LRRC37A2: variants seen among roughly 807,000 people sequenced by gnomAD.
LRRC37A2 encodes the protein leucine rich repeat containing 37 member A2, also known as leucine-rich repeat-containing protein 37A2.
LRRC37A2 carries 9 observed loss-of-function variants against 68.8 expected under a neutral mutation model. The observed-to-expected ratio is 0.13, with a 90% CI of 0.08 to 0.23. LRRC37A2 has a LOEUF of 0.23. Ranked by LOEUF, LRRC37A2 falls within the 10% of genes least tolerant of loss-of-function variation. The probability of loss-of-function intolerance (pLI) is 1.00; values close to 1 mark genes in which losing one functional copy is unlikely to be tolerated. For synonymous variants in LRRC37A2, 63 were observed against 367.6 expected, an observed-to-expected ratio of 0.17 and a Z score of 9.48; for missense variants, 168 against 950.4, an observed-to-expected ratio of 0.18 and a Z score of 10.82.
the LRRC37A2 span, chr17:46,769,835 C>G: frequency 6.2e-7 from 1 of 1,613,342 alleles, no homozygotes; most frequent in South Asian, 1.1e-5. Context: ...CGCGTCCGGC[C>G]TGTTCTCGCG....
At chr17:46,605,887 C>T in the LRRC37A2 span, among the ~76,000 whole-genome samples, 2 of 38,886 alleles carry the variant, frequency 5.1e-5, no homozygotes, top group African/African-American at 3.4e-4. Context: ...TGGTGGCTCA[C>T]GCCTGTAATC....
chr17:47,031,523 A>AT, the LRRC37A2 span, among the ~76,000 whole-genome samples: 2 of 144,862 alleles, frequency 1.4e-5, no homozygotes, highest in African/African-American at 5.1e-5. Flanking sequence ...CTGATGGCTT[A>AT]TTTTTTAAAA....
the LRRC37A2 span, among the ~76,000 whole-genome samples, chr17:46,887,784 A>AGAAC: frequency 6.6e-6 from 1 of 151,758 alleles, no homozygotes; most frequent in African/African-American, 2.4e-5. Context: ...AAAGAAAGAA[A>AGAAC]GAAAGAAATC....
chr17:46,980,310 T>C, the LRRC37A2 span, among the ~76,000 whole-genome samples: 1 of 151,998 alleles, frequency 6.6e-6, no homozygotes, highest in Non-Finnish European at 1.5e-5. Flanking sequence ...TGAGTTTTTC[T>C]TTCCTTCTTC....
the LRRC37A2 span, chr17:46,749,723 CTAAT>C: frequency 6.7e-7 from 1 of 1,503,456 alleles, no homozygotes; most frequent in South Asian, 1.4e-5. Context: ...CTGTAGTTTC[CTAAT>C]TAGTCTTATT....
chr17:46,470,583 G>C, the LRRC37A2 span, among the ~76,000 whole-genome samples: 3 of 85,230 alleles, frequency 3.5e-5, 1 homozygote, highest in Admixed American at 3.6e-4. Context: ...GGAAGCCAAG[G>C]TGGGAGGATC....
the LRRC37A2 span, among the ~76,000 whole-genome samples, chr17:46,870,530 C>T: frequency 2.0e-5 from 3 of 152,230 alleles, no homozygotes; most frequent in Non-Finnish European, 4.4e-5. Flanking sequence ...GCTAGGCCAA[C>T]GGGAGCCCGA....
the LRRC37A2 span, among the ~76,000 whole-genome samples, chr17:46,831,246 G>C: frequency 6.6e-6 from 1 of 152,190 alleles, no homozygotes; most frequent in Non-Finnish European, 1.5e-5. Context: ...GTTGGCCAGA[G>C]ACCCTGTGGG....
the LRRC37A2 span, among the ~76,000 whole-genome samples, chr17:46,888,160 G>GGT: frequency 9.2e-5 from 14 of 152,276 alleles, no homozygotes; most frequent in Non-Finnish European, 1.8e-4. Context: ...AAGGGATACC[G>GGT]ACCTGGCCTA....
the LRRC37A2 span, among the ~76,000 whole-genome samples, chr17:46,832,402 AG>A: frequency 3.0e-3 from 244 of 80,482 alleles, 2 homozygotes; most frequent in African/African-American, 0.01. Context: ...GAAAAGAGAG[AG>A]GGGGGTGGTG....
At chr17:46,753,564 AATCTGTCAG>A in the LRRC37A2 span, among the ~76,000 whole-genome samples, 1 of 152,272 alleles carries the variant, frequency 6.6e-6, no homozygotes, top group African/African-American at 2.4e-5. Flanking sequence ...AAAAAAGATA[AATCTGTCAG>A]ATTGTCAGCT....
chr17:46,970,870 T>C, the LRRC37A2 span, among the ~76,000 whole-genome samples: 1 of 152,230 alleles, frequency 6.6e-6, no homozygotes, highest in African/African-American at 2.4e-5. Flanking sequence ...ACGTTCAAAG[T>C]GGTGCATATG....
the LRRC37A2 span, among the ~76,000 whole-genome samples, chr17:46,438,308 C>CT: frequency 0.034 from 2,449 of 70,996 alleles, 140 homozygotes; most frequent in African/African-American, 0.096. Context: ...AGATCGAACC[C>CT]TTTTTTTTCA....
chr17:46,728,928 T>G, the LRRC37A2 span: 1 of 1,598,224 alleles, frequency 6.3e-7, no homozygotes, highest in Non-Finnish European at 8.6e-7. Flanking sequence ...AAAAGGCACC[T>G]CCTCAGGTAA....
chr17:46,870,904 CTTTTTT>C, the LRRC37A2 span, among the ~76,000 whole-genome samples: 3 of 78,394 alleles, frequency 3.8e-5, no homozygotes, highest in African/African-American at 5.0e-5. Context: ...TCCACCTTTG[CTTTTTT>C]TTTTTTTTTT....
chr17:46,810,439 C>G, the LRRC37A2 span, among the ~76,000 whole-genome samples: 1 of 152,178 alleles, frequency 6.6e-6, no homozygotes, highest in African/African-American at 2.4e-5. Context: ...TGGAGAGCCC[C>G]TGGCAGAGGG....
At chr17:46,895,955 G>A in the LRRC37A2 span, among the ~76,000 whole-genome samples, 135 of 152,132 alleles carry the variant, frequency 8.9e-4, 1 homozygote, top group African/African-American at 3.1e-3. Context: ...GCTGGTGGGG[G>A]CAGAGGGGGT....
the LRRC37A2 span, among the ~76,000 whole-genome samples, chr17:46,945,636 T>G: frequency 6.6e-6 from 1 of 152,152 alleles, no homozygotes; most frequent in South Asian, 2.1e-4. Context: ...CTCCCTTCTT[T>G]CCAGCCCGAG....
At chr17:47,019,848 G>A in the LRRC37A2 span, 3 of 1,154,764 alleles carry the variant, frequency 2.6e-6, no homozygotes, top group South Asian at 3.6e-5. Flanking sequence ...GCCTGACATG[G>A]CAGCCTTTTC....
Sources: allele counts gnomAD v4.1 joint callset (sites outside exome capture counted in the v4.1 genomes callset), GRCh38; gene constraint gnomAD v4.1.1; transcripts MANE v1.5; gene names NCBI Gene and HGNC (gene_info 2026-07-23, HGNC 2026-07-21).